NRIP1: variants seen among roughly 807,000 people sequenced by gnomAD.
NRIP1 encodes the protein nuclear receptor-interacting protein 1.
Under a neutral mutation model 75.0 loss-of-function variants are expected in NRIP1, and 28 were observed. That is an observed-to-expected ratio of 0.37 (90% confidence interval 0.28 to 0.51). The LOEUF (loss-of-function observed/expected upper bound fraction) is 0.51, where lower values mean the gene tolerates loss of function less well. Among genes scored for constraint, NRIP1 ranks in the 20% least tolerant of loss-of-function variants. NRIP1 has a pLI of 0.92. For synonymous variants in NRIP1, 526 were observed against 487.6 expected (o/e 1.08, Z -1.04); for missense variants, 1,435 against 1,343.7 (o/e 1.07, Z -1.06).
At chr21:15,053,768 G>A (rs2089250243) in intron 1 of NRIP1, among the ~76,000 whole-genome samples, 2 of 152,070 alleles carry the variant, frequency 1.3e-5, no homozygotes, top group African/African-American at 4.8e-5. Flanking sequence ...ACAAGCAGGT[G>A]AATACACAGA....
chr21:15,028,571 A>G (rs942485029), intron 2 of NRIP1, among the ~76,000 whole-genome samples: 2 of 152,218 alleles, frequency 1.3e-5, no homozygotes, highest in Non-Finnish European at 2.9e-5. Flanking sequence ...GCACTGATTC[A>G]AAGATTAAAT....
At chr21:15,064,085 A>T (rs1295364987) in intron 1 of NRIP1, among the ~76,000 whole-genome samples, 1 of 152,246 alleles carries the variant, frequency 6.6e-6, no homozygotes, top group African/African-American at 2.4e-5. Flanking sequence ...GACACAGAAG[A>T]AGGGAGAAAA....
rs74633797 is a variant in NRIP1 at position 15,031,090 on chromosome 21, C to G, written c.-458+12405G>C. 9.6e-3 allele frequency among the ~76,000 whole-genome samples: 223 copies of G among 23,154 alleles called. 4 individuals are homozygous for G. The highest frequency in any genetic ancestry group is 0.026 in the African/African-American group (104 of 4,056). The allele number at this position is 23,154 out of a possible 152,430, so 15.2% of individuals were successfully genotyped here. The stretch of plus-strand genomic sequence containing the variant: ...CTATGTGTGTACACTCTGGAAGGCG[C>G]TCGGAGGATCACCACATTCCCTTTC... On this transcript the variant is annotated intron_variant, in intron 2 of 3. Transcript: ENST00000318948.
chr21:14,988,503 G>A (rs997375972), intron 3 of NRIP1, among the ~76,000 whole-genome samples: 1 of 139,892 alleles, frequency 7.1e-6, no homozygotes, highest in African/African-American at 2.7e-5. Flanking sequence ...ATATATATGT[G>A]TGTGTGTGTG....
intron 1 of NRIP1, among the ~76,000 whole-genome samples, chr21:15,046,240 G>C (rs2089071448): frequency 6.6e-6 from 1 of 152,192 alleles, no homozygotes; most frequent in African/African-American, 2.4e-5. Context: ...TCAATAGTAA[G>C]ACTTGAAAGT....
intron 3 of NRIP1, among the ~76,000 whole-genome samples, chr21:14,999,753 C>A (rs1442137890): frequency 1.3e-5 from 2 of 152,196 alleles, no homozygotes; most frequent in Non-Finnish European, 2.9e-5. Flanking sequence ...CCAAGTAACA[C>A]TGCATGCTCA....
intron 1 of NRIP1, among the ~76,000 whole-genome samples, chr21:15,058,701 G>C (rs1442798415): frequency 6.6e-6 from 1 of 151,980 alleles, no homozygotes; most frequent in African/African-American, 2.4e-5. Context: ...GTACATAAAC[G>C]ATTCCCCATC....
intron 1 of NRIP1, chr21:15,051,851 T>G (rs1225370117): frequency 4.6e-5 from 7 of 152,194 alleles, no homozygotes; most frequent in African/African-American, 1.7e-4. Context: ...AATAACCCAC[T>G]TAAGTTGAGG....
chr21:14,970,112 T>G (rs2086863322), intron 3 of NRIP1, among the ~76,000 whole-genome samples: 1 of 152,178 alleles, frequency 6.6e-6, no homozygotes, highest in Non-Finnish European at 1.5e-5. Flanking sequence ...TTCTCCCCCC[T>G]CTGGTTATAT....
chr21:15,035,505 C>G (rs565205247), intron 2 of NRIP1, among the ~76,000 whole-genome samples: 2 of 150,362 alleles, frequency 1.3e-5, no homozygotes, highest in East Asian at 1.9e-4. Context: ...AGGTTTAAAA[C>G]TAAGAAAATA....
intron 3 of NRIP1, among the ~76,000 whole-genome samples, chr21:14,990,133 C>A (rs149139992): frequency 1.3e-5 from 2 of 152,086 alleles, no homozygotes; most frequent in African/African-American, 4.8e-5. Flanking sequence ...ACGATTCTAG[C>A]GCCACTAGCC....
At chr21:15,059,529 A>G (rs756302551) in intron 1 of NRIP1, among the ~76,000 whole-genome samples, 4 of 151,676 alleles carry the variant, frequency 2.6e-5, no homozygotes, top group African/African-American at 4.8e-5. Context: ...GGAAAGAAGG[A>G]AGGGAGGGAA....
chr21:15,053,177 A>G (rs1306902822), intron 1 of NRIP1, among the ~76,000 whole-genome samples: 1 of 152,246 alleles, frequency 6.6e-6, no homozygotes, highest in East Asian at 1.9e-4. Context: ...CTGCCAAAAC[A>G]ATGAATAATC....
chr21:14,978,615 C>G (rs981184983), intron 3 of NRIP1, among the ~76,000 whole-genome samples: 1 of 152,052 alleles, frequency 6.6e-6, no homozygotes, highest in Non-Finnish European at 1.5e-5. Flanking sequence ...ATAAAAGAGA[C>G]AGATGAAATA....
At chr21:15,028,537 C>T (rs1308814517) in intron 2 of NRIP1, among the ~76,000 whole-genome samples, 1 of 152,122 alleles carries the variant, frequency 6.6e-6, no homozygotes, top group African/African-American at 2.4e-5. Flanking sequence ...ATATTTTTTA[C>T]AAGGTTTGGG....
rs1413863345 is a variant in NRIP1 at position 15,015,446 on chromosome 21, G to A, written c.-457-980C>T. Among the ~76,000 whole-genome samples, 5 of 152,024 alleles carry A rather than the reference G, an allele frequency of 3.3e-5. No homozygotes were observed. The East Asian group carries it at 5.8e-4, about 18-fold the overall frequency. On this transcript the variant is annotated intron_variant, in intron 2 of 3. Transcript: ENST00000318948. ...AAATGCCTTAACATGTTATATGTCC[G>A]TTGATGCAGCAATTCCATGTCTAAG...
intron 2 of NRIP1, among the ~76,000 whole-genome samples, chr21:15,022,828 A>T (rs2088411200): frequency 1.3e-5 from 2 of 152,348 alleles, no homozygotes; most frequent in East Asian, 3.9e-4. Context: ...GGGAAATAAA[A>T]ACCTGATGTC....
chr21:15,031,141 A>T (rs111861306), intron 2 of NRIP1, among the ~76,000 whole-genome samples: 5,111 of 32,582 alleles, frequency 0.16, 43 homozygotes, highest in Middle Eastern at 0.26. Context: ...TGGAAGGCGC[A>T]CGGAGGATCA....
chr21:15,004,462 C>A (rs2087918418), intron 3 of NRIP1, among the ~76,000 whole-genome samples: 1 of 152,218 alleles, frequency 6.6e-6, no homozygotes, highest in Non-Finnish European at 1.5e-5. Context: ...CTGCTCCAAT[C>A]CTGCAGAGGT....
Sources: allele counts gnomAD v4.1 joint callset (sites outside exome capture counted in the v4.1 genomes callset), GRCh38; gene constraint gnomAD v4.1.1; transcripts MANE v1.5; gene names NCBI Gene and HGNC (gene_info 2026-07-23, HGNC 2026-07-21).